Variants in NLGN1 observed in about 807,000 individuals in gnomAD.
NLGN1 encodes the protein neuroligin 1, also known as neuroligin-1.
Under a neutral mutation model 65.5 loss-of-function variants are expected in NLGN1, and 12 were observed. The observed-to-expected ratio is 0.18, with a 90% CI of 0.12 to 0.30. The LOEUF (loss-of-function observed/expected upper bound fraction) is 0.30. Among genes scored for constraint, NLGN1 ranks in the 10% least tolerant of loss-of-function variants. The pLI is 1.00. For missense variants in NLGN1, 750 were observed against 1,007.1 expected, an observed-to-expected ratio of 0.74 and a Z score of 3.46; for synonymous variants, 350 against 359.5, an observed-to-expected ratio of 0.97 and a Z score of 0.30.
At chr3:174,019,280 C>T (rs984389410) in intron 4 of NLGN1, among the ~76,000 whole-genome samples, 2 of 152,012 alleles carry the variant, frequency 1.3e-5, no homozygotes, top group Admixed American at 6.6e-5. Context: ...GAGATGGGGC[C>T]TTTAAGAATA....
chr3:174,002,194 C>T (rs542888157), intron 4 of NLGN1, among the ~76,000 whole-genome samples: 4 of 152,180 alleles, frequency 2.6e-5, no homozygotes, highest in Admixed American at 6.5e-5. Context: ...GTGGCACGAT[C>T]TCAGCTCAGT....
intron 4 of NLGN1, among the ~76,000 whole-genome samples, chr3:173,959,099 CTGTGGCT>C (rs1712890228): frequency 6.6e-6 from 1 of 152,246 alleles, no homozygotes; most frequent in Non-Finnish European, 1.5e-5. Flanking sequence ...GGGTCTGCAG[CTGTGGCT>C]TGGGTGGCTG....
chr3:173,516,930 A>T (rs1372934754), intron 2 of NLGN1, among the ~76,000 whole-genome samples: 1 of 152,100 alleles, frequency 6.6e-6, no homozygotes, highest in Non-Finnish European at 1.5e-5. Context: ...TATATTAAGG[A>T]TTCAAAAGAC....
intron 3 of NLGN1, among the ~76,000 whole-genome samples, chr3:173,673,373 G>A (rs1385835249): frequency 6.6e-6 from 1 of 152,134 alleles, no homozygotes; most frequent in Non-Finnish European, 1.5e-5. Context: ...ATTTGCCATG[G>A]TAGACTACTT....
At chr3:174,144,882 G>T (rs185420407) in intron 4 of NLGN1, among the ~76,000 whole-genome samples, 2 of 152,008 alleles carry the variant, frequency 1.3e-5, no homozygotes, top group African/African-American at 4.8e-5. Context: ...AGTTTCTTTT[G>T]CTGTGCAGAA....
chr3:173,522,587 C>T (rs1024205538), intron 2 of NLGN1, among the ~76,000 whole-genome samples: 8 of 137,570 alleles, frequency 5.8e-5, no homozygotes, highest in East Asian at 3.3e-4. Context: ...CCCGCCACTA[C>T]GCCCAGCTAA....
At chr3:173,455,596 T>C (rs745752841) in intron 2 of NLGN1, among the ~76,000 whole-genome samples, 12 of 152,252 alleles carry the variant, frequency 7.9e-5, no homozygotes, top group Admixed American at 2.0e-4. Flanking sequence ...AAAATGGTGC[T>C]GATAGACTTG....
Position 173,565,549 on chromosome 3 carries a change from A to G in NLGN1, c.-320-38730A>G, listed in dbSNP as rs191269300. Among the ~76,000 whole-genome samples, 467 of 152,328 alleles carry G rather than the reference A, an allele frequency of 3.1e-3. 3 individuals are homozygous for G. The highest frequency in any genetic ancestry group is 0.011 in the African/African-American group (454 of 41,584). Reference sequence around the variant, plus strand: ...AATTATGATGGGCATAGGGGAGGGTAGGAATTAAAAGATAGCATAAGAACA... The same window carrying G: ...AATTATGATGGGCATAGGGGAGGGTGGGAATTAAAAGATAGCATAAGAACA... On this transcript the variant is annotated intron_variant, in intron 2 of 6. Transcript: ENST00000457714.
intron 3 of NLGN1, among the ~76,000 whole-genome samples, chr3:173,757,837 C>T (rs771642938): frequency 7.2e-5 from 11 of 151,924 alleles, no homozygotes; most frequent in Non-Finnish European, 1.0e-4. Flanking sequence ...GTTTATAATA[C>T]GATGTCTGAA....
chr3:173,815,312 T>C (rs369659578), intron 4 of NLGN1, among the ~76,000 whole-genome samples: 41 of 152,170 alleles, frequency 2.7e-4, no homozygotes, highest in African/African-American at 9.4e-4. Context: ...CTTCACCGTG[T>C]TAGCAAGGAT....
intron 4 of NLGN1, among the ~76,000 whole-genome samples, chr3:174,235,961 T>A (rs1210657674): frequency 6.6e-6 from 1 of 152,164 alleles, no homozygotes; most frequent in Admixed American, 6.5e-5. Flanking sequence ...GCTGGCTTAT[T>A]TATTTACTCC....
intron 3 of NLGN1, among the ~76,000 whole-genome samples, chr3:173,683,366 A>G (rs969269749): frequency 7.2e-5 from 11 of 151,994 alleles, no homozygotes; most frequent in African/African-American, 2.4e-4. Flanking sequence ...GAGTGCTGGT[A>G]TTATCTTTCT....
At chr3:173,527,429 G>C (rs917400684) in intron 2 of NLGN1, among the ~76,000 whole-genome samples, 5 of 151,648 alleles carry the variant, frequency 3.3e-5, no homozygotes, top group Non-Finnish European at 7.4e-5. Flanking sequence ...ACGGAGTCTC[G>C]CTCTTTCACC....
intron 4 of NLGN1, among the ~76,000 whole-genome samples, chr3:173,918,700 G>A (rs922444676): frequency 1.1e-3 from 91 of 81,962 alleles, no homozygotes; most frequent in African/African-American, 4.0e-3. Flanking sequence ...GTGTGTGTGT[G>A]TGTATATATA....
In NLGN1 at chr3:174,231,130, A is replaced by C. The variant is rs183087157; in HGVS notation, c.647-44185A>C. ...GGTTAGAAGCAAGAGGGAGTCAGTTAAGTCAGATCTCTTTCACCGTCATAA... is the reference window on the plus strand; with the variant it reads ...GGTTAGAAGCAAGAGGGAGTCAGTTCAGTCAGATCTCTTTCACCGTCATAA... On this transcript the variant is annotated intron_variant, in intron 4 of 6. Coordinates refer to ENST00000457714, the Ensembl canonical transcript of NLGN1. Among the ~76,000 whole-genome samples, 169 of 152,314 alleles carry C rather than the reference A, an allele frequency of 1.1e-3. 1 individual carries two copies. The highest frequency in any genetic ancestry group is 3.8e-3 in the African/African-American group (157 of 41,570).
intron 4 of NLGN1, among the ~76,000 whole-genome samples, chr3:174,157,131 G>A (rs1355660162): frequency 1.3e-5 from 2 of 151,640 alleles, no homozygotes; most frequent in African/African-American, 4.8e-5. Flanking sequence ...ACCTGAGGAT[G>A]TGTGGATGTG....
intron 2 of NLGN1, among the ~76,000 whole-genome samples, chr3:173,437,610 C>T (rs1166222176): frequency 6.6e-6 from 1 of 152,144 alleles, no homozygotes; most frequent in African/African-American, 2.4e-5. Context: ...GCTTAGTGGA[C>T]TTGATTTCCT....
intron 2 of NLGN1, among the ~76,000 whole-genome samples, chr3:173,436,443 C>T (rs115309407): frequency 1.7e-3 from 256 of 152,260 alleles, no homozygotes; most frequent in African/African-American, 6.0e-3. Context: ...TTTCCTACCA[C>T]TCATGACCCA....
intron 3 of NLGN1, among the ~76,000 whole-genome samples, chr3:173,607,250 A>G (rs1486550672): frequency 7.9e-5 from 12 of 151,878 alleles, no homozygotes; most frequent in Non-Finnish European, 1.6e-4. Context: ...AGGCAATGCT[A>G]TTTACCTTCA....
Sources: gnomAD v4.1 joint callset for allele counts (sites outside exome capture counted in the v4.1 genomes callset) on GRCh38, gnomAD v4.1.1 for gene constraint, MANE v1.5 for transcripts, NCBI Gene and HGNC (gene_info 2026-07-23, HGNC 2026-07-21) for gene names.